Variants in JMY observed in about 807,000 individuals in gnomAD.
JMY encodes the protein junction-mediating and -regulatory protein.
Under a neutral mutation model 103.3 loss-of-function variants are expected in JMY, and 46 were observed. That is an observed-to-expected ratio of 0.45 (90% CI 0.35 to 0.57). The LOEUF is 0.57. Ranked by LOEUF, JMY falls within the 20% of genes least tolerant of loss-of-function variation. The probability of loss-of-function intolerance (pLI) is 0.00; values close to 1 mark genes in which losing one functional copy is unlikely to be tolerated. For missense variants in JMY, 1,238 were observed against 1,255.2 expected (o/e 0.99, Z 0.21); for synonymous variants, 526 against 489.3 (o/e 1.07, Z -0.99).
At chr5:79,241,947 A>G (rs530167082) in intron 1 of JMY, among the ~76,000 whole-genome samples, 1 of 152,180 alleles carries the variant, frequency 6.6e-6, no homozygotes, top group Non-Finnish European at 1.5e-5. Flanking sequence ...TTGGTGGCCC[A>G]TACTGCAGCT....
chr5:79,252,294 C>G (rs1019613292), intron 1 of JMY, among the ~76,000 whole-genome samples: 5 of 137,134 alleles, frequency 3.6e-5, no homozygotes, highest in African/African-American at 1.4e-4. Flanking sequence ...TTAGTGATTT[C>G]TAGTTTATCT....
chr5:79,284,022 T>C, intron 2 of JMY: 1 of 679,282 alleles, frequency 1.5e-6, no homozygotes, highest in African/African-American at 1.9e-5. Context: ...GGTAAAGATA[T>C]TAATCCAACA....
At chr5:79,246,784 A>G (rs578151458) in intron 1 of JMY, among the ~76,000 whole-genome samples, 2 of 152,164 alleles carry the variant, frequency 1.3e-5, no homozygotes, top group East Asian at 3.9e-4. Context: ...TGGGAGGCTG[A>G]GGCAGGAGAA....
At chr5:79,259,009 A>G (rs985264391) in intron 1 of JMY, among the ~76,000 whole-genome samples, 3 of 152,196 alleles carry the variant, frequency 2.0e-5, no homozygotes, top group Non-Finnish European at 2.9e-5. Context: ...TTATTGAGCA[A>G]TAGAACAACT....
intron 1 of JMY, among the ~76,000 whole-genome samples, chr5:79,242,989 C>A (rs993268703): frequency 3.9e-5 from 6 of 152,090 alleles, no homozygotes; most frequent in Non-Finnish European, 7.4e-5. Flanking sequence ...TTAATTATGA[C>A]AAGCATGAGG....
At chr5:79,264,623 G>A (rs952754026) in intron 1 of JMY, among the ~76,000 whole-genome samples, 3 of 152,150 alleles carry the variant, frequency 2.0e-5, no homozygotes, top group Admixed American at 6.5e-5. Context: ...TTGCATTAAG[G>A]CCAACTTTGT....
chr5:79,292,117 C>T (rs76378028), intron 4 of JMY, among the ~76,000 whole-genome samples: 2,404 of 152,088 alleles, frequency 0.016, 69 homozygotes, highest in African/African-American at 0.054. Flanking sequence ...TTGGCTTATC[C>T]GGGAAATTGT....
intron 1 of JMY, among the ~76,000 whole-genome samples, chr5:79,245,832 G>A (rs1288638111): frequency 1.3e-5 from 2 of 151,998 alleles, no homozygotes; most frequent in South Asian, 2.1e-4. Flanking sequence ...CACTGTGTTG[G>A]CCAGGCTGGT....
intron 4 of JMY, among the ~76,000 whole-genome samples, chr5:79,294,036 A>T (rs1441283510): frequency 6.6e-6 from 1 of 152,196 alleles, no homozygotes; most frequent in Non-Finnish European, 1.5e-5. Context: ...AGTGTTATTA[A>T]AATAAGGATT....
intron 2 of JMY, among the ~76,000 whole-genome samples, chr5:79,279,425 A>G (rs1311116929): frequency 6.6e-6 from 1 of 152,212 alleles, no homozygotes; most frequent in Non-Finnish European, 1.5e-5. Flanking sequence ...AGCTGACCTT[A>G]AATGTTATGT....
In JMY at chr5:79,279,751, G is replaced by A. The variant is rs1015042208; in HGVS notation, c.1206+1668G>A. Reference sequence around the variant, plus strand: ...CTTTTTGAGGGGGGGATTTGTTTTGGTCAGTCAGTTTTATCATAAATTTGG... The same window carrying A: ...CTTTTTGAGGGGGGGATTTGTTTTGATCAGTCAGTTTTATCATAAATTTGG... On this transcript the variant is annotated intron_variant, in intron 2 of 10. Transcript: ENST00000396137. 7.2e-5 allele frequency among the ~76,000 whole-genome samples: 11 copies of A among 152,262 alleles called. 1 individual carries two copies. The highest frequency in any genetic ancestry group is 7.2e-4 in the Admixed American group (11 of 15,286).
At chr5:79,318,409 A>G (rs1223082948) in intron 10 of JMY, among the ~76,000 whole-genome samples, 1 of 152,202 alleles carries the variant, frequency 6.6e-6, no homozygotes, top group Non-Finnish European at 1.5e-5. Flanking sequence ...GTCAGTTTTT[A>G]AACAACTGAT....
intron 10 of JMY, among the ~76,000 whole-genome samples, chr5:79,320,863 T>C (rs1184142509): frequency 6.6e-6 from 1 of 152,252 alleles, no homozygotes; most frequent in Non-Finnish European, 1.5e-5. Flanking sequence ...GTGTATGTTT[T>C]ATATATACTA....
At chr5:79,300,918 C>G in intron 6 of JMY, 55 bp downstream of exon 6, 1 of 1,413,718 alleles carries the variant, frequency 7.1e-7, no homozygotes, top group Non-Finnish European at 9.6e-7. Context: ...ATCTACTAAT[C>G]TCATCTGTTT....
intron 10 of JMY, among the ~76,000 whole-genome samples, chr5:79,321,016 A>G (rs1747431386): frequency 6.6e-6 from 1 of 152,258 alleles, no homozygotes; most frequent in African/African-American, 2.4e-5. Context: ...AAACTAGATC[A>G]GTCACACTAG....
chr5:79,294,262 A>G (rs992240133), intron 4 of JMY, among the ~76,000 whole-genome samples: 19 of 151,958 alleles, frequency 1.3e-4, no homozygotes, highest in African/African-American at 4.6e-4. Context: ...AAAATTAGCC[A>G]GGTGGGTGGC....
At chr5:79,252,636 G>T (rs1177574583) in intron 1 of JMY, among the ~76,000 whole-genome samples, 3 of 152,094 alleles carry the variant, frequency 2.0e-5, no homozygotes, top group African/African-American at 7.2e-5. Context: ...ATGTCTGGGT[G>T]CTCCAGTGTT....
rs1747492685 is a variant in JMY at position 79,322,595 on chromosome 5, C to G, written c.*993C>G. On this transcript the variant is annotated 3_prime_UTR_variant, in exon 11 of 11. Coordinates refer to ENST00000396137, the MANE Select transcript of JMY (RefSeq NM_152405.5). The stretch of plus-strand genomic sequence containing the variant: ...AGAAAGTAGAGACAAGTCTCCGTGG[C>G]TGGCATTTCACCATCTTCACATGCA... 2 of 152,200 alleles carry G rather than the reference C, an allele frequency of 1.3e-5. No homozygotes were observed. The highest frequency in any genetic ancestry group is 1.3e-4 in the Admixed American group (2 of 15,286). The allele number at this position is 152,200 out of a possible 1,614,324, so 9.4% of individuals were successfully genotyped here. A position where few individuals can be genotyped will look rare whatever the true frequency, so the allele number is the denominator to read the frequency against.
intron 1 of JMY, among the ~76,000 whole-genome samples, chr5:79,244,602 G>A (rs2090326991): frequency 1.3e-5 from 2 of 151,862 alleles, no homozygotes; most frequent in African/African-American, 2.4e-5. Flanking sequence ...AGTAGGTCTT[G>A]AAAGCACAAG....
Sources: allele counts gnomAD v4.1 joint callset (sites outside exome capture counted in the v4.1 genomes callset), GRCh38; gene constraint gnomAD v4.1.1; transcripts MANE v1.5; gene names NCBI Gene and HGNC (gene_info 2026-07-23, HGNC 2026-07-21).